Variants in NAALADL2 observed in about 807,000 individuals in gnomAD.
NAALADL2 encodes the protein inactive N-acetylated-alpha-linked acidic dipeptidase-like protein 2.
A neutral mutation model predicts 87.2 loss-of-function variants in NAALADL2; 76 were observed. The observed-to-expected ratio is 0.87, with a 90% CI of 0.72 to 1.05. NAALADL2 has a LOEUF of 1.05. Ranked by LOEUF, NAALADL2 falls within the 50% of genes least tolerant of loss-of-function variation. The pLI is 0.00. For synonymous variants in NAALADL2, 354 were observed against 331.0 expected (o/e 1.07, Z -0.75); for missense variants, 1,089 against 945.8 (o/e 1.15, Z -1.99).
rs1754729736 is a variant in NAALADL2 at position 175,806,679 on chromosome 3, T to C, written c.*3476T>C. On this transcript the variant is annotated 3_prime_UTR_variant, in exon 14 of 14. Transcript: ENST00000454872. ...CCAGGCACTGGTGTTTTAGAATTTT[T>C]CCCATGTATCCTTTTTTTTTTTTTT... The C allele has an allele frequency of 6.9e-6, 1 of 145,432 alleles. No individual in the cohort carries two copies. Among genetic ancestry groups the C allele is most frequent in the African/African-American group, 2.6e-5 (1 of 38,290 alleles). The allele number at this position is 145,432 out of a possible 1,614,324, so 9.0% of individuals were successfully genotyped here.
In NAALADL2 at chr3:174,945,676, T is replaced by A. The variant is rs148097410; in HGVS notation, c.43+86226T>A. Among the ~76,000 whole-genome samples, 8 of 152,288 alleles carry A rather than the reference T, an allele frequency of 5.3e-5. No homozygotes were observed. The East Asian group carries it at 1.5e-3, about 29-fold the overall frequency. On this transcript the variant is annotated intron_variant, in intron 1 of 13. Coordinates refer to ENST00000454872, the MANE Select transcript of NAALADL2 (RefSeq NM_207015.3). The stretch of plus-strand genomic sequence containing the variant: ...ATTGGGAAACCTATATTAAAATTCC[T>A]AGAATTTGTGGCCTAGAAATCACTT...
intron 2 of NAALADL2, among the ~76,000 whole-genome samples, chr3:175,132,231 C>A (rs1728125996): frequency 1.5e-5 from 1 of 68,358 alleles, no homozygotes; most frequent in Admixed American, 1.3e-4. Context: ...CGCCCCTCAC[C>A]TCCCGGACGG....
rs71624288 is a variant in NAALADL2 at position 174,642,749 on chromosome 3, C to CATATATAT, written c.-115+92145_-115+92152dup. Among the ~76,000 whole-genome samples, 310 of 130,040 alleles carry CATATATAT rather than the reference C, an allele frequency of 2.4e-3. 2 individuals are homozygous for CATATATAT. The highest frequency in any genetic ancestry group is 5.9e-3 in the African/African-American group (198 of 33,814). The allele number at this position is 130,040 out of a possible 152,430, so 85.3% of individuals were successfully genotyped here. On this transcript the variant is annotated intron_variant, in intron 2 of 3. Transcript: ENST00000434257. ...GTAATATCAGTGCCATGAAAAAAAA[C>CATATATAT]ATATATATATATATATATATATATA...
intron 5 of NAALADL2, among the ~76,000 whole-genome samples, chr3:175,399,604 G>A (rs943383477): frequency 3.3e-5 from 5 of 152,110 alleles, no homozygotes; most frequent in African/African-American, 1.2e-4. Context: ...GAGCGTAGCA[G>A]TGAGGATGAC....
At position 175,009,304 on chromosome 3, in the gene NAALADL2, A is replaced by C. The variant is rs963388508; in HGVS notation, c.44-87486A>C. On this transcript the variant is annotated intron_variant, in intron 1 of 13. Coordinates refer to ENST00000454872, the MANE Select transcript of NAALADL2 (RefSeq NM_207015.3). ...TTTTCATTAGTGTTTATCAGTGTATAGTAAATTTAGTACTTAATTATTGTG... is the reference window on the plus strand; with the variant it reads ...TTTTCATTAGTGTTTATCAGTGTATCGTAAATTTAGTACTTAATTATTGTG... 2.0e-5 allele frequency among the ~76,000 whole-genome samples: 3 copies of C among 152,208 alleles called. No individual in the cohort carries two copies. The South Asian group carries it at 6.2e-4, about 31-fold the overall frequency.
intron 2 of NAALADL2, 100 bp from the exon 3 acceptor site, chr3:175,233,831 C>A: frequency 1.5e-6 from 1 of 676,052 alleles, no homozygotes; most frequent in Non-Finnish European, 2.5e-6. Flanking sequence ...TTCAATATTC[C>A]ACAACATCTA....
In NAALADL2 at chr3:175,810,052, T is replaced by C. The variant is rs980858574; in HGVS notation, c.*6849T>C. 4.6e-5 allele frequency: 7 copies of C among 152,054 alleles called. No individual in the cohort carries two copies. The highest frequency in any genetic ancestry group is 1.7e-4 in the African/African-American group (7 of 41,422). 9.4% of individuals were successfully genotyped at this position (152,054 alleles called of 1,614,324 possible). A position where few individuals can be genotyped will look rare whatever the true frequency, so the allele number is the denominator to read the frequency against. The stretch of plus-strand genomic sequence containing the variant: ...CTTGTTCAAAATGATTTGATTATCA[T>C]CTGGATTCAGAAATCTTTTCATTGT... On this transcript the variant is annotated 3_prime_UTR_variant, in exon 14 of 14. Coordinates refer to ENST00000454872, the MANE Select transcript of NAALADL2 (RefSeq NM_207015.3).
intron 1 of NAALADL2, among the ~76,000 whole-genome samples, chr3:175,025,938 T>C (rs1045170626): frequency 1.3e-5 from 2 of 152,126 alleles, no homozygotes; most frequent in African/African-American, 4.8e-5. Context: ...GCCTCCCTAG[T>C]AGGTGGGACT....
chr3:174,453,994 G>A (rs771868544), intron 1 of NAALADL2, among the ~76,000 whole-genome samples: 1 of 152,122 alleles, frequency 6.6e-6, no homozygotes, highest in Non-Finnish European at 1.5e-5. Flanking sequence ...ATTATATGCT[G>A]TCTTCGGAAG....
intron 2 of NAALADL2, among the ~76,000 whole-genome samples, chr3:174,641,159 T>C (rs890357617): frequency 1.3e-5 from 2 of 152,106 alleles, no homozygotes; most frequent in African/African-American, 2.4e-5. Flanking sequence ...CCCCTCCTGC[T>C]GCCAAAGAAG....
At chr3:174,451,032 T>C (rs1411353066) in intron 1 of NAALADL2, among the ~76,000 whole-genome samples, 1 of 152,198 alleles carries the variant, frequency 6.6e-6, no homozygotes, top group East Asian at 1.9e-4. Context: ...AGAAAATAAA[T>C]TTATTTTAAT....
At chr3:174,441,933 T>C (rs1358345326) in intron 1 of NAALADL2, among the ~76,000 whole-genome samples, 1 of 152,178 alleles carries the variant, frequency 6.6e-6, no homozygotes, top group African/African-American at 2.4e-5. Context: ...GGACTGAAAG[T>C]TGTGTTGCAG....
chr3:175,588,658 C>T (rs1247763109), intron 10 of NAALADL2, among the ~76,000 whole-genome samples: 1 of 151,080 alleles, frequency 6.6e-6, no homozygotes, highest in Non-Finnish European at 1.5e-5. Context: ...CCTGCCTCAG[C>T]CTCCTGAGTA....
At chr3:175,356,676 T>A (rs1203121085) in intron 5 of NAALADL2, among the ~76,000 whole-genome samples, 1 of 151,568 alleles carries the variant, frequency 6.6e-6, no homozygotes, top group Non-Finnish European at 1.5e-5. Context: ...CATGAAGAAG[T>A]TCTTGAGAGT....
At chr3:174,833,034 C>A (rs1722912588) in intron 3 of NAALADL2, among the ~76,000 whole-genome samples, 1 of 152,146 alleles carries the variant, frequency 6.6e-6, no homozygotes, top group Non-Finnish European at 1.5e-5. Context: ...ACCCATTCTA[C>A]CCCACTTCCT....
At chr3:174,456,041 C>A (rs1405751546) in intron 1 of NAALADL2, among the ~76,000 whole-genome samples, 1 of 152,124 alleles carries the variant, frequency 6.6e-6, no homozygotes, top group Non-Finnish European at 1.5e-5. Flanking sequence ...TGTACAAAAA[C>A]CACTGGCATT....
Position 175,508,819 on chromosome 3 carries a change from T to A in NAALADL2, c.1653+37061T>A, listed in dbSNP as rs183162302. ...TTTTTTGAATATTCACATTACATTG[T>A]CTTTAAGATCAGAGGACTATGCGCG... On this transcript the variant is annotated intron_variant, in intron 9 of 13. Transcript: ENST00000454872. Among the ~76,000 whole-genome samples the A allele has an allele frequency of 8.6e-5, 13 of 151,912 alleles. No homozygotes were observed. The East Asian group carries it at 2.5e-3, about 30-fold the overall frequency.
intron 11 of NAALADL2, among the ~76,000 whole-genome samples, chr3:175,678,440 C>T (rs761887902): frequency 6.6e-6 from 1 of 152,074 alleles, no homozygotes; most frequent in Non-Finnish European, 1.5e-5. Flanking sequence ...TTTATTGTGG[C>T]ACTATTCACA....
intron 1 of NAALADL2, among the ~76,000 whole-genome samples, chr3:175,037,523 G>A (rs910408156): frequency 2.6e-5 from 4 of 152,130 alleles, no homozygotes; most frequent in African/African-American, 9.7e-5. Context: ...TAGACTAGCT[G>A]GGGTTAACCC....
Sources: gnomAD v4.1 joint callset for allele counts (sites outside exome capture counted in the v4.1 genomes callset) on GRCh38, gnomAD v4.1.1 for gene constraint, MANE v1.5 for transcripts, NCBI Gene and HGNC (gene_info 2026-07-23, HGNC 2026-07-21) for gene names.